Variants in SCYL3 observed in about 807,000 individuals in gnomAD.
SCYL3 encodes the protein protein-associating with the carboxyl-terminal domain of ezrin.
Under a neutral mutation model 73.8 loss-of-function variants are expected in SCYL3, and 35 were observed. The observed-to-expected ratio is 0.47, with a 90% confidence interval of 0.36 to 0.63. The LOEUF (loss-of-function observed/expected upper bound fraction) is 0.63, where lower values mean the gene tolerates loss of function less well. Ranked by LOEUF, SCYL3 falls within the 20% of genes least tolerant of loss-of-function variation. SCYL3 has a pLI of 0.00. For synonymous variants in SCYL3, 277 were observed against 295.2 expected (o/e 0.94, Z 0.63); for missense variants, 712 against 798.9 (o/e 0.89, Z 1.31).
intron 11 of SCYL3, chr1:169,856,036 G>C (rs1452124637): frequency 7.5e-7 from 1 of 1,331,582 alleles, no homozygotes; most frequent in African/African-American, 1.5e-5. Context: ...GGTGGGCATA[G>C]TTAAGTGAAA....
chr1:169,860,346 T>C (rs1313283744), intron 10 of SCYL3, among the ~76,000 whole-genome samples: 3 of 152,258 alleles, frequency 2.0e-5, no homozygotes, highest in South Asian at 2.1e-4. Flanking sequence ...AGGCAAGTAC[T>C]GCTCTGCATA....
At position 169,862,555 on chromosome 1, in the gene SCYL3, C is replaced by A. The variant is rs540495652; in HGVS notation, c.1140+58G>T. 8.0e-5 allele frequency: 126 copies of A among 1,578,036 alleles called. No individual in the cohort carries two copies. The African/African-American group carries it at 1.4e-3, about 17-fold the overall frequency. On this transcript the variant is annotated intron_variant, in intron 10 of 12. Transcript: ENST00000367771. ...TATCTGAATACCTCCAAAACTCTTT[C>A]TTTCAGCACTCTTCCCTCAGGTTCT...
At chr1:169,878,884 A>C in intron 2 of SCYL3, 65 bp from the exon 3 acceptor site, 1 of 1,390,098 alleles carries the variant, frequency 7.2e-7, no homozygotes, top group Non-Finnish European at 9.8e-7. Context: ...TTTCATATAC[A>C]TTATGGGGGA....
intron 1 of SCYL3, 30 bp downstream of exon 1, chr1:169,893,745 AGTCCTGCAAGGAC>A (rs1344714161): frequency 5.3e-5 from 8 of 151,846 alleles, no homozygotes; most frequent in Admixed American, 5.2e-4. Flanking sequence ...CCCACGGCGC[AGTCCTGCAAGGAC>A]TGGGGGCGCA....
chr1:169,852,730 AAAGG>A lies in SCYL3; in HGVS notation c.*979_*982del, dbSNP rs1658552622. ...TGCATGTAAGCTTTACTCCAGTCCAAAAGGAAGGTTCTTTATATTTAGAATGGAT... is the reference window on the plus strand; with the variant it reads ...TGCATGTAAGCTTTACTCCAGTCCAAAAGGTTCTTTATATTTAGAATGGAT... On this transcript the variant is annotated 3_prime_UTR_variant, in exon 13 of 13. Transcript: ENST00000367771. The A allele has an allele frequency of 6.4e-7, 1 of 1,563,100 alleles. No homozygotes were observed. The highest frequency in any genetic ancestry group is 1.4e-5 in the African/African-American group (1 of 72,982).
At chr1:169,872,584 T>C (rs1459034194) in intron 5 of SCYL3, among the ~76,000 whole-genome samples, 1 of 152,160 alleles carries the variant, frequency 6.6e-6, no homozygotes, top group African/African-American at 2.4e-5. Flanking sequence ...GTAGATCCAC[T>C]GACAGCTTGC....
At chr1:169,887,810 A>G (rs1224369327) in intron 2 of SCYL3, among the ~76,000 whole-genome samples, 1 of 152,218 alleles carries the variant, frequency 6.6e-6, no homozygotes, top group African/African-American at 2.4e-5. Flanking sequence ...TGTGAAGACC[A>G]AAATTCCATT....
In SCYL3 at chr1:169,853,731, C is replaced by A; in HGVS notation, c.2049G>T (p.Trp683Cys). Residue 683 changes from tryptophan to cysteine, a missense_variant, in exon 13 of 13, where the codon TGG becomes TGT. This residue lies in a region of SCYL3 where 370 missense variants were observed against 350.8 expected (regional missense o/e 1.05). Transcript: ENST00000367771. ...EGWEEEGELN[W>C]EDNNW ...TCTATTGTCACCAGTTATTATCTTC[C>A]CAGTTCAGCTCCCCTTCTTCTTCCC... 6.2e-7 allele frequency: 1 copy of A among 1,613,566 alleles called. No individual in the cohort carries two copies. Among genetic ancestry groups the A allele is most frequent in the Non-Finnish European group, 8.5e-7 (1 of 1,179,730 alleles).
rs574250445 is a variant in SCYL3 at position 169,884,019 on chromosome 1, C to T, written c.165+4657G>A. On this transcript the variant is annotated intron_variant, in intron 2 of 12. Coordinates refer to ENST00000367771, the MANE Select transcript of SCYL3 (RefSeq NM_020423.7). ...ACAGGTGTGAGCCACTGTGCCCAGC[C>T]TCCAATTTCTTTTATTTTCTTATAA... Among the ~76,000 whole-genome samples, 257 of 152,160 alleles carry T rather than the reference C, an allele frequency of 1.7e-3. 1 individual carries two copies. Among genetic ancestry groups the T allele is most frequent in the Non-Finnish European group, 3.0e-3 (201 of 68,020 alleles).
chr1:169,885,326 A>G (rs903633479), intron 2 of SCYL3, among the ~76,000 whole-genome samples: 3 of 152,222 alleles, frequency 2.0e-5, no homozygotes, highest in Non-Finnish European at 4.4e-5. Context: ...AGCTATCCAG[A>G]GAATTCATTC....
intron 4 of SCYL3, among the ~76,000 whole-genome samples, chr1:169,874,331 G>T (rs1660639666): frequency 6.6e-6 from 1 of 152,154 alleles, no homozygotes; most frequent in African/African-American, 2.4e-5. Flanking sequence ...TAAAGTTTCT[G>T]CCCCCAATCA....
intron 10 of SCYL3, among the ~76,000 whole-genome samples, chr1:169,861,316 C>T (rs1571395211): frequency 6.6e-6 from 1 of 152,262 alleles, no homozygotes; most frequent in East Asian, 1.9e-4. Context: ...GCTTCTTTTG[C>T]CCTTTTTTTT....
At chr1:169,876,256 TG>T (rs1414249741) in intron 3 of SCYL3, among the ~76,000 whole-genome samples, 165 bp from the exon 4 acceptor site, 1 of 152,146 alleles carries the variant, frequency 6.6e-6, no homozygotes, top group Admixed American at 6.5e-5. Context: ...GCATAATAAA[TG>T]GAACTATAAC....
rs1280879826 is a variant in SCYL3 at position 169,854,685 on chromosome 1, C to A, written c.1592G>T (p.Gly531Val). 6.2e-7 allele frequency: 1 copy of A among 1,614,034 alleles called. No individual in the cohort carries two copies. The highest frequency in any genetic ancestry group is 1.1e-5 in the South Asian group (1 of 91,086). ...PSSLDTKVNP[G>V]GGITATKPVT... ...AGGTTTTGTAGCAGTGATTCCACCT[C>A]CTGGGTTTACTTTAGTATCTAAGCT... Residue 531 changes from glycine (G) to valine (V), a missense_variant, in exon 12 of 13, where the codon GGA becomes GTA. Physicochemically the swap from Gly to Val is moderately radical, Grantham distance 109. Transcript: ENST00000367771.
intron 2 of SCYL3, among the ~76,000 whole-genome samples, chr1:169,885,080 G>A (rs1440091354): frequency 6.6e-6 from 1 of 152,188 alleles, no homozygotes; most frequent in Non-Finnish European, 1.5e-5. Flanking sequence ...ATTTTTGAAT[G>A]AGTGTCTTGA....
rs975528365 is a variant in SCYL3, at chr1:169,873,644, A to G, written c.522+52T>C. 4.9e-5 allele frequency: 62 copies of G among 1,270,650 alleles called. No homozygotes were observed. In the East Asian group the frequency reaches 8.3e-4, roughly 17 times the overall value. The allele number at this position is 1,270,650 out of a possible 1,614,324, so 78.7% of individuals were successfully genotyped here. On this transcript the variant is annotated intron_variant, in intron 5 of 12. Transcript: ENST00000367771. ...GCAGAGGAAAGTTTTTTAAAATTTC[A>G]TACTCAATTACACAAAGGCACCTTC... is the stretch of plus-strand genomic sequence containing the variant.
Position 169,862,621 on chromosome 1 carries a change from A to G in SCYL3, c.1132T>C (p.Leu378=). 1 of 1,614,208 alleles carries G rather than the reference A, an allele frequency of 6.2e-7. No homozygotes were observed. The highest frequency in any genetic ancestry group is 8.5e-7 in the Non-Finnish European group (1 of 1,180,028). The change falls in exon 10 of 13, where the codon TTG becomes CTG. Residue 378 remains leucine, a synonymous_variant. Transcript: ENST00000367771. Reference sequence around the variant, plus strand: ...CAAACTTGGCCTCTGACCTGTGGCAAGATGACTTTCTTCAGCTGCTCCTGA... The same window carrying G: ...CAAACTTGGCCTCTGACCTGTGGCAGGATGACTTTCTTCAGCTGCTCCTGA... ...FTQEQLKKVI[L]PQVLLGLRDT...
In SCYL3 at chr1:169,850,253, A is replaced by G. The variant is rs752609220; in HGVS notation, c.*3460T>C. On this transcript the variant is annotated 3_prime_UTR_variant, in exon 13 of 13. Coordinates refer to ENST00000367771, the MANE Select transcript of SCYL3 (RefSeq NM_020423.7). ...ATGTTAAAATTGGTCTTGTTCATCA[A>G]TTTTTTAATAGGGAACAAATCATGA... The G allele has an allele frequency of 2.5e-6, 4 of 1,590,234 alleles. No homozygotes were observed. Among genetic ancestry groups the G allele is most frequent in the African/African-American group, 1.4e-5 (1 of 73,994 alleles).
Position 169,877,690 on chromosome 1 carries a change from G to A in SCYL3, c.351+944C>T, listed in dbSNP as rs561349882. On this transcript the variant is annotated intron_variant, in intron 3 of 12. Coordinates refer to ENST00000367771, the MANE Select transcript of SCYL3 (RefSeq NM_020423.7). ...GTTACCACCATTGCCTCTGAAGAGAGGAATTAGGGCACTGGATTCAAGGAT... is the reference window on the plus strand; with the variant it reads ...GTTACCACCATTGCCTCTGAAGAGAAGAATTAGGGCACTGGATTCAAGGAT... Among the ~76,000 whole-genome samples, 13 of 152,274 alleles carry A rather than the reference G, an allele frequency of 8.5e-5. No individual in the cohort carries two copies. The South Asian group carries it at 2.5e-3, about 29-fold the overall frequency.
Sources: allele counts gnomAD v4.1 joint callset (sites outside exome capture counted in the v4.1 genomes callset), GRCh38; gene constraint gnomAD v4.1.1; regional missense constraint gnomAD v4.1.1; transcripts MANE v1.5; gene names NCBI Gene and HGNC (gene_info 2026-07-23, HGNC 2026-07-21).